CNTNAP5: variants seen among roughly 807,000 people sequenced by gnomAD.
The protein encoded by CNTNAP5 is contactin associated protein family member 5.
CNTNAP5 carries 72 observed loss-of-function variants against 150.2 expected under a neutral mutation model. The observed-to-expected ratio is 0.48, with a 90% CI of 0.40 to 0.58. CNTNAP5 has a LOEUF of 0.58. Among genes scored for constraint, CNTNAP5 ranks in the 20% least tolerant of loss-of-function variants. The pLI, the probability that CNTNAP5 is intolerant of heterozygous loss-of-function variation, is 0.00. For missense variants in CNTNAP5, 1,636 were observed against 1,626.2 expected (o/e 1.01, Z -0.10); for synonymous variants, 672 against 619.8 (o/e 1.08, Z -1.25).
In CNTNAP5 at chr2:124,609,905, T is replaced by C; in HGVS notation, c.1861T>C (p.Tyr621His). Reference protein sequence around the residue: ...GSGPLGPLQVYCNITEDKIWT... With the variant: ...GSGPLGPLQVHCNITEDKIWT... ...CGGCCCACTGGGACCTCTCCAGGTG[T>C]ACTGCAATATCACTGGTAAGGGTGC... The change falls in exon 12 of 24, where the codon TAC (tyrosine) becomes CAC (histidine). Residue 621 changes from tyrosine to histidine, a missense_variant. Transcript: ENST00000682447. 2 of 1,613,686 alleles carry C rather than the reference T, an allele frequency of 1.2e-6. No individual in the cohort carries two copies. The highest frequency in any genetic ancestry group is 1.7e-6 in the Non-Finnish European group (2 of 1,179,690).
intron 21 of CNTNAP5, among the ~76,000 whole-genome samples, chr2:124,882,225 G>A (rs914689865): frequency 2.0e-5 from 3 of 152,096 alleles, no homozygotes; most frequent in African/African-American, 7.2e-5. Context: ...AGGATATGCT[G>A]TGGTTTGAAT....
intron 1 of CNTNAP5, among the ~76,000 whole-genome samples, chr2:124,194,544 T>G (rs1055967018): frequency 6.6e-6 from 1 of 150,912 alleles, no homozygotes; most frequent in African/African-American, 2.4e-5. Context: ...AGAAAATTAT[T>G]CTAAATATTT....
chr2:124,897,729 A>G (rs1028635466), intron 21 of CNTNAP5, among the ~76,000 whole-genome samples: 4 of 151,598 alleles, frequency 2.6e-5, no homozygotes, highest in Non-Finnish European at 5.9e-5. Flanking sequence ...GAGGGGGCCT[A>G]TGGCCATGAA....
intron 10 of CNTNAP5, among the ~76,000 whole-genome samples, chr2:124,555,488 A>G (rs1045324468): frequency 5.9e-5 from 9 of 152,238 alleles, no homozygotes; most frequent in Non-Finnish European, 1.3e-4. Context: ...TGAATCCTCA[A>G]TGAATTTTCC....
chr2:124,601,402 A>G (rs1201135952), intron 11 of CNTNAP5, among the ~76,000 whole-genome samples: 1 of 152,214 alleles, frequency 6.6e-6, no homozygotes, highest in Non-Finnish European at 1.5e-5. Context: ...TTGGAAGGCA[A>G]ACCACAGACA....
Position 124,057,390 on chromosome 2 carries a change from T to C in CNTNAP5, c.82+31658T>C, listed in dbSNP as rs1427622907. ...TCTGCCTCCCCGGTTCACACCATTC[T>C]CCTGCCTCACCCTCCCGAGTAGCTG... On this transcript the variant is annotated intron_variant, in intron 1 of 23. Coordinates refer to ENST00000682447, the MANE Select transcript of CNTNAP5 (RefSeq NM_001367498.1). 2.7e-5 allele frequency among the ~76,000 whole-genome samples: 4 copies of C among 146,384 alleles called. No individual in the cohort carries two copies. The East Asian group carries it at 6.2e-4, about 23-fold the overall frequency.
intron 13 of CNTNAP5, among the ~76,000 whole-genome samples, chr2:124,710,010 T>A (rs1471895897): frequency 6.8e-6 from 1 of 146,408 alleles, no homozygotes. Context: ...TCCTACAAAA[T>A]TACAAAAAAA....
intron 17 of CNTNAP5, among the ~76,000 whole-genome samples, chr2:124,782,698 T>A (rs921221662): frequency 1.3e-5 from 2 of 152,128 alleles, no homozygotes; most frequent in African/African-American, 4.8e-5. Flanking sequence ...ATGCAAACAA[T>A]TAAAATTTAA....
intron 3 of CNTNAP5, among the ~76,000 whole-genome samples, chr2:124,340,249 G>C (rs1689577416): frequency 6.6e-6 from 1 of 152,188 alleles, no homozygotes; most frequent in African/African-American, 2.4e-5. Flanking sequence ...GGACAGCTTA[G>C]AAGTCAGAAG....
intron 13 of CNTNAP5, among the ~76,000 whole-genome samples, chr2:124,688,409 G>T (rs1198756915): frequency 6.6e-6 from 1 of 151,974 alleles, no homozygotes; most frequent in Non-Finnish European, 1.5e-5. Flanking sequence ...ACCACTTGAG[G>T]TATTATTTTC....
chr2:124,644,654 G>A (rs2105024193), intron 12 of CNTNAP5, among the ~76,000 whole-genome samples: 1 of 152,262 alleles, frequency 6.6e-6, no homozygotes, highest in East Asian at 1.9e-4. Context: ...GATGCACTGA[G>A]ACTGGGGACA....
At chr2:124,673,007 A>C (rs1434467096) in intron 13 of CNTNAP5, among the ~76,000 whole-genome samples, 2 of 152,170 alleles carry the variant, frequency 1.3e-5, no homozygotes, top group African/African-American at 2.4e-5. Flanking sequence ...AAAAATATTT[A>C]AGTGATGGAG....
At chr2:124,776,040 T>G (rs1681314821) in intron 17 of CNTNAP5, among the ~76,000 whole-genome samples, 1 of 152,190 alleles carries the variant, frequency 6.6e-6, no homozygotes, top group African/African-American at 2.4e-5. Flanking sequence ...ATGAAGAGAC[T>G]GTAACTGATC....
chr2:124,565,895 G>A (rs960898235), intron 11 of CNTNAP5, among the ~76,000 whole-genome samples: 6 of 151,564 alleles, frequency 4.0e-5, no homozygotes, highest in Admixed American at 1.3e-4. Flanking sequence ...CACCACGCCC[G>A]GCCTTTACCT....
intron 1 of CNTNAP5, among the ~76,000 whole-genome samples, chr2:124,053,378 T>A (rs1681759662): frequency 6.6e-6 from 1 of 152,180 alleles, no homozygotes; most frequent in Admixed American, 6.5e-5. Context: ...TACTTGTACA[T>A]ACATTTTAAG....
chr2:124,774,207 T>G (rs945984786), intron 17 of CNTNAP5, among the ~76,000 whole-genome samples: 12 of 151,768 alleles, frequency 7.9e-5, no homozygotes, highest in African/African-American at 2.9e-4. Flanking sequence ...TCCTTTTTTG[T>G]TTATTTATTT....
At chr2:124,265,077 T>C (rs1687570935) in intron 3 of CNTNAP5, among the ~76,000 whole-genome samples, 1 of 152,224 alleles carries the variant, frequency 6.6e-6, no homozygotes, top group Admixed American at 6.5e-5. Context: ...CTTAAGGTGC[T>C]TTGGTTAGGA....
In CNTNAP5 at chr2:124,647,945, G is replaced by A. The variant is rs764772772; in HGVS notation, c.2064G>A (p.Leu688=). 8.7e-6 allele frequency: 14 copies of A among 1,600,564 alleles called. No individual in the cohort carries two copies. Among genetic ancestry groups the A allele is most frequent in the Non-Finnish European group, 1.1e-5 (13 of 1,174,178 alleles). Residue 688 remains leucine, a synonymous_variant, in exon 13 of 24, where the codon CTG becomes CTA. Transcript: ENST00000682447. ...EVAYHCRRSR[L]LNTPDGTPFT... is the part of the protein sequence containing the mutation. ...CCTACCACTGCAGGAGGTCCCGCCTGCTCAACACGCCGGGTAAGGCCTCTG... is the reference window on the plus strand; with the variant it reads ...CCTACCACTGCAGGAGGTCCCGCCTACTCAACACGCCGGGTAAGGCCTCTG...
intron 1 of CNTNAP5, among the ~76,000 whole-genome samples, chr2:124,114,429 A>G (rs1344935494): frequency 6.6e-6 from 1 of 151,996 alleles, no homozygotes; most frequent in Admixed American, 6.6e-5. Context: ...CTAATTGTTT[A>G]TTACTGGTAT....
Sources: allele counts gnomAD v4.1 joint callset (sites outside exome capture counted in the v4.1 genomes callset), GRCh38; gene constraint gnomAD v4.1.1; transcripts MANE v1.5; gene names NCBI Gene and HGNC (gene_info 2026-07-23, HGNC 2026-07-21).